Variants in MARCHF1 observed in about 807,000 individuals in gnomAD.
MARCHF1 encodes E3 ubiquitin-protein ligase MARCHF1.
A neutral mutation model predicts 54.2 loss-of-function variants in MARCHF1; 40 were observed. The observed-to-expected ratio is 0.74, with a 90% confidence interval of 0.57 to 0.96. The LOEUF (loss-of-function observed/expected upper bound fraction) is 0.96, where lower values mean the gene tolerates loss of function less well. Among genes scored for constraint, MARCHF1 ranks in the 40% least tolerant of loss-of-function variants. The pLI is 0.00. For missense variants in MARCHF1, 586 were observed against 656.5 expected, an observed-to-expected ratio of 0.89 and a Z score of 1.17; for synonymous variants, 236 against 236.3, an observed-to-expected ratio of 1.00 and a Z score of 0.01.
At chr4:164,254,921 C>A (rs1299858552) in intron 1 of MARCHF1, among the ~76,000 whole-genome samples, 4 of 152,270 alleles carry the variant, frequency 2.6e-5, no homozygotes, top group Non-Finnish European at 5.9e-5. Flanking sequence ...TACTTTGTAT[C>A]CCCTAAATCC....
intron 3 of MARCHF1, among the ~76,000 whole-genome samples, chr4:163,902,227 T>C (rs1750957713): frequency 6.6e-6 from 1 of 152,302 alleles, no homozygotes; most frequent in Middle Eastern, 3.4e-3. Flanking sequence ...CACAGGGGTC[T>C]CTCAATTAGC....
intron 3 of MARCHF1, among the ~76,000 whole-genome samples, chr4:163,860,092 T>C (rs532338879): frequency 2.7e-4 from 41 of 152,206 alleles, no homozygotes; most frequent in Admixed American, 2.6e-3. Flanking sequence ...CTTGGACCCA[T>C]TAGAGAATTG....
intron 3 of MARCHF1, among the ~76,000 whole-genome samples, chr4:163,928,464 T>C (rs1026562519): frequency 6.6e-6 from 1 of 151,916 alleles, no homozygotes; most frequent in Non-Finnish European, 1.5e-5. Context: ...TTTACAATTA[T>C]TATAACTCTA....
rs570268902 is a variant in MARCHF1 at position 163,886,392 on chromosome 4, C to CG, written c.-38-32224dup. The stretch of plus-strand genomic sequence containing the variant: ...AGACAGATAGAGGTACCTAGAGAGA[C>CG]GGGGGGAGGGAGATGAATGTGTGGC... On this transcript the variant is annotated intron_variant, in intron 3 of 9. Transcript: ENST00000514618. 2.6e-3 allele frequency among the ~76,000 whole-genome samples: 394 copies of CG among 150,390 alleles called. 1 individual carries two copies. The highest frequency in any genetic ancestry group is 9.3e-3 in the African/African-American group (380 of 40,848).
At position 164,224,321 on chromosome 4, in the gene MARCHF1, G is replaced by A. The variant is rs184538050; in HGVS notation, c.-322-112659C>T. Among the ~76,000 whole-genome samples, 306 of 151,210 alleles carry A rather than the reference G, an allele frequency of 2.0e-3. 3 individuals carry two copies. Among genetic ancestry groups the A allele is most frequent in the African/African-American group, 6.5e-3 (267 of 41,172 alleles). ...TATGTGTGACCCAAGACAATTCTTC[G>A]TCTTCCAATGTGGCCAAGGGAAGCC... On this transcript the variant is annotated intron_variant, in intron 1 of 9. Transcript: ENST00000514618.
intron 1 of MARCHF1, among the ~76,000 whole-genome samples, chr4:164,365,434 G>A (rs775622362): frequency 1.8e-4 from 28 of 151,920 alleles, no homozygotes; most frequent in Non-Finnish European, 2.2e-4. Flanking sequence ...GAGAAAAATC[G>A]TAAGGTAACA....
At chr4:164,297,951 C>T (rs1734453242) in intron 1 of MARCHF1, among the ~76,000 whole-genome samples, 2 of 152,114 alleles carry the variant, frequency 1.3e-5, no homozygotes, top group Middle Eastern at 3.4e-3. Flanking sequence ...AATTTAAAAC[C>T]TTATGATTTT....
intron 1 of MARCHF1, among the ~76,000 whole-genome samples, chr4:164,275,121 A>G (rs1436393004): frequency 6.6e-6 from 1 of 151,798 alleles, no homozygotes; most frequent in Non-Finnish European, 1.5e-5. Context: ...TTAATAAAAT[A>G]TAATAAGAGA....
At chr4:164,272,832 A>G (rs951794745) in intron 1 of MARCHF1, among the ~76,000 whole-genome samples, 2 of 151,984 alleles carry the variant, frequency 1.3e-5, no homozygotes, top group African/African-American at 2.4e-5. Flanking sequence ...AGAAAATAAA[A>G]AAGTAGAAAA....
intron 1 of MARCHF1, among the ~76,000 whole-genome samples, chr4:164,246,782 C>G (rs1198252092): frequency 8.1e-6 from 1 of 123,954 alleles, no homozygotes; most frequent in South Asian, 3.2e-4. Flanking sequence ...ACAACCCCAT[C>G]AAAAAGTGGG....
At chr4:164,295,807 A>T (rs1379378008) in intron 1 of MARCHF1, among the ~76,000 whole-genome samples, 1 of 152,200 alleles carries the variant, frequency 6.6e-6, no homozygotes, top group African/African-American at 2.4e-5. Context: ...TGCATTTGTT[A>T]AAGAAATGGA....
intron 9 of MARCHF1, among the ~76,000 whole-genome samples, chr4:163,535,304 G>A: frequency 6.6e-6 from 1 of 151,958 alleles, no homozygotes; most frequent in East Asian, 1.9e-4. Flanking sequence ...GATTTTTCTG[G>A]TGTTCCAGCA....
chr4:163,591,067 G>A (rs185752126), intron 7 of MARCHF1, among the ~76,000 whole-genome samples: 169 of 150,578 alleles, frequency 1.1e-3, no homozygotes, highest in Non-Finnish European at 1.6e-3. Context: ...TATTTCATAT[G>A]ATTATTAATT....
At chr4:164,256,816 A>G (rs1733302329) in intron 1 of MARCHF1, among the ~76,000 whole-genome samples, 1 of 152,220 alleles carries the variant, frequency 6.6e-6, no homozygotes, top group African/African-American at 2.4e-5. Flanking sequence ...AGCCGGGAAC[A>G]TAAACTGGTA....
At chr4:164,346,049 A>C (rs1730084153) in intron 1 of MARCHF1, among the ~76,000 whole-genome samples, 1 of 152,180 alleles carries the variant, frequency 6.6e-6, no homozygotes, top group Non-Finnish European at 1.5e-5. Context: ...CAATGGTTTG[A>C]TTGGTACTAA....
At chr4:164,123,812 T>G (rs1379499189) in intron 1 of MARCHF1, among the ~76,000 whole-genome samples, 1 of 151,794 alleles carries the variant, frequency 6.6e-6, no homozygotes, top group Non-Finnish European at 1.5e-5. Flanking sequence ...AGTTTCATAT[T>G]GGGGAAAATC....
intron 5 of MARCHF1, among the ~76,000 whole-genome samples, chr4:163,647,257 A>G (rs1039083907): frequency 6.6e-6 from 1 of 152,108 alleles, no homozygotes; most frequent in Admixed American, 6.6e-5. Context: ...GCACCTAAAC[A>G]TAGAAAGCAA....
intron 1 of MARCHF1, among the ~76,000 whole-genome samples, chr4:164,306,703 G>A (rs56800689): frequency 0.096 from 14,659 of 152,018 alleles, 1,711 homozygotes; most frequent in African/African-American, 0.27. Context: ...GTGATTCAGC[G>A]CACATACAGA....
intron 4 of MARCHF1, among the ~76,000 whole-genome samples, chr4:163,708,398 T>A (rs1242638910): frequency 6.6e-6 from 1 of 152,132 alleles, no homozygotes; most frequent in Admixed American, 6.6e-5. Context: ...TATATCTTTA[T>A]ACTAAATTAT....
Sources: gnomAD v4.1 joint callset for allele counts (sites outside exome capture counted in the v4.1 genomes callset) on GRCh38, gnomAD v4.1.1 for gene constraint, MANE v1.5 for transcripts, NCBI Gene and HGNC (gene_info 2026-07-23, HGNC 2026-07-21) for gene names.